The following TENM3 variants were observed in gnomAD, a reference collection of about 807,000 sequenced individuals.
TENM3 encodes the protein teneurin transmembrane protein 3.
Under a neutral mutation model 255.1 loss-of-function variants are expected in TENM3, and 63 were observed. The observed-to-expected ratio is 0.25, with a 90% CI of 0.20 to 0.30. The LOEUF is 0.30. Among genes scored for constraint, TENM3 ranks in the 10% least tolerant of loss-of-function variants. TENM3 has a pLI of 1.00. For synonymous variants in TENM3, 1,306 were observed against 1,322.3 expected, an observed-to-expected ratio of 0.99 and a Z score of 0.27; for missense variants, 2,929 against 3,461.1, an observed-to-expected ratio of 0.85 and a Z score of 3.86.
chr4:182,575,150 A>G (rs1744799048), intron 3 of TENM3, among the ~76,000 whole-genome samples: 1 of 152,202 alleles, frequency 6.6e-6, no homozygotes, highest in Non-Finnish European at 1.5e-5. Flanking sequence ...AACTGGAGAA[A>G]TCTGAATAGA....
chr4:182,057,501 C>A, the TENM3 span, among the ~76,000 whole-genome samples: 1 of 147,624 alleles, frequency 6.8e-6, no homozygotes, highest in Non-Finnish European at 1.5e-5. Context: ...GCCTTGAATT[C>A]TTGGGCTCAA....
intron 1 of TENM3, among the ~76,000 whole-genome samples, chr4:182,292,751 A>G (rs562513441): frequency 5.3e-5 from 8 of 152,288 alleles, no homozygotes; most frequent in East Asian, 1.9e-4. Context: ...AGTGGGCTCA[A>G]TTGAGGATAC....
intron 3 of TENM3, among the ~76,000 whole-genome samples, chr4:182,363,260 C>T (rs1561367461): frequency 6.6e-6 from 1 of 151,712 alleles, no homozygotes. Context: ...CTCCTTGATC[C>T]TTGATGTGAG....
At chr4:181,485,649 A>G in the TENM3 span, among the ~76,000 whole-genome samples, 1 of 152,192 alleles carries the variant, frequency 6.6e-6, no homozygotes, top group Non-Finnish European at 1.5e-5. Context: ...AATACGGATA[A>G]CATCATTAAC....
chr4:181,749,098 A>G, the TENM3 span, among the ~76,000 whole-genome samples: 1 of 152,122 alleles, frequency 6.6e-6, no homozygotes, highest in African/African-American at 2.4e-5. Flanking sequence ...GTTATTCTCT[A>G]AACAAGATTG....
intron 3 of TENM3, among the ~76,000 whole-genome samples, chr4:182,557,861 A>G (rs1439633050): frequency 6.6e-6 from 1 of 152,144 alleles, no homozygotes; most frequent in Non-Finnish European, 1.5e-5. Context: ...TCTACCATTC[A>G]TACATGTTTA....
the TENM3 span, among the ~76,000 whole-genome samples, chr4:182,101,709 G>T: frequency 3.3e-5 from 5 of 152,076 alleles, no homozygotes; most frequent in Admixed American, 6.5e-5. Context: ...GGACAGCAAG[G>T]TGACCATAAC....
chr4:182,309,906 A>C (rs557481483), intron 1 of TENM3, among the ~76,000 whole-genome samples: 6 of 152,318 alleles, frequency 3.9e-5, no homozygotes, highest in Admixed American at 3.9e-4. Context: ...GTTATGTGCC[A>C]ATAACTGTGC....
chr4:182,716,135 C>T (rs940095745), intron 13 of TENM3, among the ~76,000 whole-genome samples: 1 of 152,172 alleles, frequency 6.6e-6, no homozygotes, highest in African/African-American at 2.4e-5. Context: ...ACCCCCTACT[C>T]CAATGTTGCT....
chr4:182,039,446 A>G, the TENM3 span, among the ~76,000 whole-genome samples: 3 of 152,152 alleles, frequency 2.0e-5, no homozygotes, highest in Non-Finnish European at 4.4e-5. Context: ...TGGTGCAAAA[A>G]GTATGCTTAG....
chr4:182,306,479 A>T (rs1762139667), intron 1 of TENM3, among the ~76,000 whole-genome samples: 1 of 152,240 alleles, frequency 6.6e-6, no homozygotes, highest in African/African-American at 2.4e-5. Context: ...GGTGTTTCCT[A>T]CTTGAATCTT....
At chr4:182,102,149 G>T in the TENM3 span, among the ~76,000 whole-genome samples, 1 of 152,164 alleles carries the variant, frequency 6.6e-6, no homozygotes, top group Non-Finnish European at 1.5e-5. Flanking sequence ...GCCTGTGTAG[G>T]AGCCCAGATG....
intron 1 of TENM3, among the ~76,000 whole-genome samples, chr4:182,251,354 G>A (rs1758000485): frequency 6.6e-6 from 1 of 152,036 alleles, no homozygotes; most frequent in Non-Finnish European, 1.5e-5. Context: ...CGTAGTCCTG[G>A]CTACGTGGGG....
chr4:182,242,512 G>C (rs947016936), upstream of TENM3, among the ~76,000 whole-genome samples: 1 of 152,048 alleles, frequency 6.6e-6, no homozygotes, highest in Admixed American at 6.5e-5. Flanking sequence ...TATAACCCCA[G>C]CCCTTTGGGA....
At chr4:181,481,029 A>C in the TENM3 span, among the ~76,000 whole-genome samples, 1 of 151,894 alleles carries the variant, frequency 6.6e-6, no homozygotes, top group Non-Finnish European at 1.5e-5. Flanking sequence ...AATAAAATTG[A>C]CTTAAAAAAT....
intron 3 of TENM3, among the ~76,000 whole-genome samples, chr4:182,386,669 G>C (rs4862059): frequency 1.3e-5 from 2 of 152,190 alleles, no homozygotes; most frequent in Non-Finnish European, 2.9e-5. Context: ...CCGGCCGGCC[G>C]GGGCAGTGAG....
chr4:182,399,184 G>A (rs1018775144), intron 3 of TENM3, among the ~76,000 whole-genome samples: 8 of 152,234 alleles, frequency 5.3e-5, no homozygotes, highest in Admixed American at 4.6e-4. Flanking sequence ...TCAAATGCCC[G>A]GTTCACACCT....
At chr4:181,599,803 T>G in the TENM3 span, among the ~76,000 whole-genome samples, 1 of 152,192 alleles carries the variant, frequency 6.6e-6, no homozygotes, top group African/African-American at 2.4e-5. Flanking sequence ...ATCTCTATAT[T>G]TTACTCATCT....
At chr4:182,229,478 CTTTGTA>C (rs977608699) in intron 1 of TENM3, among the ~76,000 whole-genome samples, 5 of 152,010 alleles carry the variant, frequency 3.3e-5, no homozygotes, top group African/African-American at 4.8e-5. Flanking sequence ...GCACAAGGGA[CTTTGTA>C]TTTGTAAAAA....
Sources: gnomAD v4.1 joint callset for allele counts (sites outside exome capture counted in the v4.1 genomes callset) on GRCh38, gnomAD v4.1.1 for gene constraint, MANE v1.5 for transcripts, NCBI Gene and HGNC (gene_info 2026-07-23, HGNC 2026-07-21) for gene names.